SLC14A2: variants seen among roughly 807,000 people sequenced by gnomAD.
The protein encoded by SLC14A2 is solute carrier family 14 member 2, also known as urea transporter 2.
Under a neutral mutation model 104.6 loss-of-function variants are expected in SLC14A2, and 91 were observed. That is an observed-to-expected ratio of 0.87 (90% CI 0.73 to 1.04). The LOEUF is 1.04. Ranked by LOEUF, SLC14A2 falls within the 50% of genes least tolerant of loss-of-function variation. The probability of loss-of-function intolerance (pLI) is 0.00; values close to 1 mark genes in which losing one functional copy is unlikely to be tolerated. For missense variants in SLC14A2, 1,189 were observed against 1,156.0 expected, an observed-to-expected ratio of 1.03 and a Z score of -0.41; for synonymous variants, 476 against 466.4, an observed-to-expected ratio of 1.02 and a Z score of -0.27.
At chr18:45,598,572 A>AT (rs2044745960) in intron 2 of SLC14A2, among the ~76,000 whole-genome samples, 2 of 152,110 alleles carry the variant, frequency 1.3e-5, no homozygotes, top group African/African-American at 2.4e-5. Context: ...GATAGTATGC[A>AT]TTTTTTTCTC....
At chr18:45,586,962 GAAA>G (rs575631605) in intron 2 of SLC14A2, among the ~76,000 whole-genome samples, 1 of 148,654 alleles carries the variant, frequency 6.7e-6, no homozygotes, top group Non-Finnish European at 1.5e-5. Context: ...GTCCTTACTA[GAAA>G]AAAAAAAGTT....
chr18:45,261,365 A>G (rs2084535104), intron 1 of SLC14A2, among the ~76,000 whole-genome samples: 1 of 151,424 alleles, frequency 6.6e-6, no homozygotes. Context: ...ATGGCTGCAT[A>G]GTATTCTATG....
intron 1 of SLC14A2, among the ~76,000 whole-genome samples, chr18:45,479,776 T>TC (rs1325936784): frequency 6.6e-6 from 1 of 152,152 alleles, no homozygotes; most frequent in Non-Finnish European, 1.5e-5. Context: ...GATGCTGTTC[T>TC]CCCCCTGTTT....
chr18:45,390,201 A>G (rs969540950), intron 1 of SLC14A2, among the ~76,000 whole-genome samples: 2 of 152,144 alleles, frequency 1.3e-5, no homozygotes, highest in African/African-American at 4.8e-5. Flanking sequence ...AAGTTCTGAG[A>G]CTGGCTCTGA....
At chr18:45,354,122 T>C (rs1227439508) in intron 1 of SLC14A2, among the ~76,000 whole-genome samples, 1 of 152,186 alleles carries the variant, frequency 6.6e-6, no homozygotes, top group Non-Finnish European at 1.5e-5. Flanking sequence ...TGAATAATTG[T>C]TCTCTATAAC....
At chr18:45,436,624 C>T (rs2144566705) in intron 1 of SLC14A2, 1 of 152,318 alleles carries the variant, frequency 6.6e-6, no homozygotes, top group South Asian at 2.1e-4. Flanking sequence ...ATTCAAACCT[C>T]TTACAGCATC....
chr18:45,480,532 C>G (rs1440949334), intron 1 of SLC14A2, among the ~76,000 whole-genome samples: 1 of 152,202 alleles, frequency 6.6e-6, no homozygotes, highest in Non-Finnish European at 1.5e-5. Flanking sequence ...CATTTGTGTT[C>G]TCACCAGGAA....
chr18:45,255,977 A>T (rs2084473781), intron 1 of SLC14A2, among the ~76,000 whole-genome samples: 1 of 152,044 alleles, frequency 6.6e-6, no homozygotes, highest in African/African-American at 2.4e-5. Flanking sequence ...TTTTGAATTG[A>T]CTTCAGCCTT....
At chr18:45,395,272 C>T (rs2086016646) in intron 1 of SLC14A2, among the ~76,000 whole-genome samples, 1 of 152,106 alleles carries the variant, frequency 6.6e-6, no homozygotes, top group African/African-American at 2.4e-5. Context: ...ATGAAAGAAG[C>T]CAGCCACAGA....
At chr18:45,355,794 G>A (rs1279707186) in intron 1 of SLC14A2, among the ~76,000 whole-genome samples, 1 of 152,062 alleles carries the variant, frequency 6.6e-6, no homozygotes, top group Non-Finnish European at 1.5e-5. Flanking sequence ...CACTGGGTGG[G>A]CTGACTAGGG....
At chr18:45,243,963 T>C (rs1480110762) in intron 1 of SLC14A2, among the ~76,000 whole-genome samples, 2 of 152,180 alleles carry the variant, frequency 1.3e-5, no homozygotes, top group Non-Finnish European at 1.5e-5. Context: ...TCGGGGTAGA[T>C]TAATTAATGA....
At chr18:45,628,607 C>T (rs1232182815) in intron 4 of SLC14A2, among the ~76,000 whole-genome samples, 8 of 152,044 alleles carry the variant, frequency 5.3e-5, no homozygotes, top group Non-Finnish European at 2.9e-5. Flanking sequence ...CTGGATTATC[C>T]CCTATCTTAG....
intron 1 of SLC14A2, among the ~76,000 whole-genome samples, chr18:45,452,643 T>G (rs1269326799): frequency 6.6e-6 from 1 of 152,174 alleles, no homozygotes; most frequent in African/African-American, 2.4e-5. Context: ...CACCATGGAC[T>G]AGAAAAACGC....
At chr18:45,626,857 G>T in intron 3 of SLC14A2, 101 bp from the exon 4 acceptor site, 1 of 921,648 alleles carries the variant, frequency 1.1e-6, no homozygotes, top group Non-Finnish European at 1.7e-6. Context: ...GAAGGGTCCT[G>T]GCTTGCACAT....
At chr18:45,429,855 T>C (rs559517868) in intron 1 of SLC14A2, among the ~76,000 whole-genome samples, 1 of 152,148 alleles carries the variant, frequency 6.6e-6, no homozygotes, top group Non-Finnish European at 1.5e-5. Flanking sequence ...AGGTCTGTAG[T>C]TGAGGAACAG....
At position 45,503,878 on chromosome 18, in the gene SLC14A2, A is replaced by G. The variant is rs916905750; in HGVS notation, c.-35+20556A>G. Among the ~76,000 whole-genome samples the G allele has an allele frequency of 5.9e-5, 9 of 152,180 alleles. No individual in the cohort carries two copies. In the East Asian group the frequency reaches 1.3e-3, roughly 23 times the overall value. On this transcript the variant is annotated intron_variant, in intron 2 of 20. Coordinates refer to the SLC14A2 transcript ENST00000586448. ...AGGTAAAACAGAGAGGAGTTTATCT[A>G]TTTTGCAGATTCTGAACCTCAGGAT...
intron 1 of SLC14A2, among the ~76,000 whole-genome samples, chr18:45,450,337 G>A (rs1406037567): frequency 6.6e-6 from 1 of 152,300 alleles, no homozygotes; most frequent in East Asian, 1.9e-4. Flanking sequence ...GCTTCTAAAG[G>A]GAAGGGGCCT....
chr18:45,381,077 A>T (rs899407458), intron 1 of SLC14A2, among the ~76,000 whole-genome samples: 11 of 152,190 alleles, frequency 7.2e-5, no homozygotes, highest in African/African-American at 2.7e-4. Context: ...AATCTCACCT[A>T]TAGCTTCATA....
rs73955532 is a variant in SLC14A2, at chr18:45,329,591, T to C, written c.-125+116400T>C. On this transcript the variant is annotated intron_variant, in intron 1 of 20. Transcript: ENST00000586448. ...TGGAGCAAGAATGAAAGGTTTTTTTTCCCCACTTTTTCTCAATTGCCACCA... is the reference window on the plus strand; with the variant it reads ...TGGAGCAAGAATGAAAGGTTTTTTTCCCCCACTTTTTCTCAATTGCCACCA... 7.0e-4 allele frequency among the ~76,000 whole-genome samples: 106 copies of C among 152,310 alleles called. 1 individual carries two copies. The highest frequency in any genetic ancestry group is 2.2e-3 in the African/African-American group (93 of 41,576).
Sources: allele counts gnomAD v4.1 joint callset (sites outside exome capture counted in the v4.1 genomes callset), GRCh38; gene constraint gnomAD v4.1.1; transcripts MANE v1.5; gene names NCBI Gene and HGNC (gene_info 2026-07-23, HGNC 2026-07-21).